The following KIF24 variants were observed in gnomAD, a reference collection of about 807,000 sequenced individuals.
KIF24 encodes the protein kinesin family member 24, also known as kinesin-like protein KIF24.
KIF24 carries 81 observed loss-of-function variants against 118.9 expected under a neutral mutation model. The ratio of observed to expected loss-of-function variants is 0.68; its 90% CI spans 0.57 to 0.82. KIF24 has a LOEUF of 0.82. KIF24 is among the 40% of genes least tolerant of loss of function. KIF24 has a pLI of 0.00. For synonymous variants in KIF24, 599 were observed against 610.0 expected (o/e 0.98, Z 0.27); for missense variants, 1,560 against 1,661.6 (o/e 0.94, Z 1.06).
chr9:34,307,078 AT>A (rs928326222), intron 2 of KIF24, among the ~76,000 whole-genome samples: 1 of 151,908 alleles, frequency 6.6e-6, no homozygotes, highest in African/African-American at 2.4e-5. Context: ...CTGAAAAAAA[AT>A]TTTTTTTGAG....
chr9:34,279,254 T>C (rs1302239370), intron 6 of KIF24, among the ~76,000 whole-genome samples: 2 of 152,178 alleles, frequency 1.3e-5, no homozygotes, highest in East Asian at 3.9e-4. Flanking sequence ...AACCCAATCA[T>C]CTATCATTAT....
chr9:34,275,423 C>G (rs368323193), intron 6 of KIF24, among the ~76,000 whole-genome samples: 4 of 151,988 alleles, frequency 2.6e-5, no homozygotes, highest in Non-Finnish European at 5.9e-5. Flanking sequence ...TTATTTGAGG[C>G]CAGGCCTGGT....
chr9:34,290,759 C>T (rs960210101), intron 4 of KIF24, among the ~76,000 whole-genome samples: 3 of 151,932 alleles, frequency 2.0e-5, no homozygotes, highest in East Asian at 1.9e-4. Context: ...GCCACCATAC[C>T]GGGCTAATTT....
At chr9:34,319,731 G>A in intron 1 of KIF24, 2 of 658,402 alleles carry the variant, frequency 3.0e-6, no homozygotes, top group Non-Finnish European at 5.6e-6. Flanking sequence ...GGGATTCGGG[G>A]GAGGTGAGGT....
intron 8 of KIF24, among the ~76,000 whole-genome samples, chr9:34,263,726 A>AT (rs1348094563): frequency 1.4e-5 from 2 of 141,338 alleles, no homozygotes; most frequent in South Asian, 4.6e-4. Context: ...CGTTTTATTT[A>AT]TTTTTTTCTT....
At chr9:34,313,558 C>A (rs1308190895) in intron 1 of KIF24, among the ~76,000 whole-genome samples, 2 of 151,682 alleles carry the variant, frequency 1.3e-5, no homozygotes, top group South Asian at 2.1e-4. Flanking sequence ...GTGATCCTCT[C>A]ATCTCAGCCT....
At chr9:34,280,349 G>A (rs935437620) in intron 6 of KIF24, among the ~76,000 whole-genome samples, 1 of 149,220 alleles carries the variant, frequency 6.7e-6, no homozygotes, top group African/African-American at 2.5e-5. Flanking sequence ...GGATGCAGGG[G>A]TTGACTCAAC....
chr9:34,308,020 G>C (rs976457560), intron 2 of KIF24, among the ~76,000 whole-genome samples: 17 of 152,148 alleles, frequency 1.1e-4, no homozygotes, highest in African/African-American at 4.1e-4. Context: ...ACCCAGACTG[G>C]AGTGCAGTGG....
At chr9:34,288,737 G>GCTACAA (rs1403539554) in intron 5 of KIF24, among the ~76,000 whole-genome samples, 3 of 151,894 alleles carry the variant, frequency 2.0e-5, no homozygotes, top group African/African-American at 7.3e-5. Flanking sequence ...CTATTCCCCT[G>GCTACAA]CTACAACTGA....
chr9:34,293,917 T>C (rs971279574), intron 4 of KIF24, among the ~76,000 whole-genome samples: 3 of 152,246 alleles, frequency 2.0e-5, no homozygotes, highest in African/African-American at 7.2e-5. Context: ...ACAATTCTCA[T>C]GTTACTGTTG....
intron 4 of KIF24, 120 bp downstream of exon 4, chr9:34,296,897 C>T: frequency 3.7e-6 from 2 of 543,660 alleles, no homozygotes; most frequent in Non-Finnish European, 6.6e-6. Flanking sequence ...TTTATTAGCT[C>T]AAAACACAAA....
intron 6 of KIF24, among the ~76,000 whole-genome samples, chr9:34,282,293 T>C (rs1363076956): frequency 6.6e-6 from 1 of 152,178 alleles, no homozygotes; most frequent in Non-Finnish European, 1.5e-5. Flanking sequence ...TTGCATATTG[T>C]ATAATTCTGT....
At chr9:34,278,572 C>CA (rs57086054) in intron 6 of KIF24, among the ~76,000 whole-genome samples, 4,151 of 87,928 alleles carry the variant, frequency 0.047, 156 homozygotes, top group African/African-American at 0.13. Context: ...TAGAGCAAAC[C>CA]AAAAAAAAAA....
At chr9:34,295,631 T>C (rs1462091049) in intron 4 of KIF24, among the ~76,000 whole-genome samples, 6 of 152,060 alleles carry the variant, frequency 3.9e-5, no homozygotes, top group African/African-American at 1.4e-4. Context: ...TGAGCCAAGA[T>C]TGCACCACTG....
chr9:34,269,421 T>C, intron 7 of KIF24, 59 bp from the exon 8 acceptor site: 1 of 833,794 alleles, frequency 1.2e-6, no homozygotes, highest in Non-Finnish European at 1.8e-6. Context: ...TTTATTTTAT[T>C]TTTATTATTA....
intron 3 of KIF24, 82 bp from the exon 4 acceptor site, chr9:34,297,196 C>A (rs1475186983): frequency 2.7e-6 from 2 of 750,830 alleles, no homozygotes; most frequent in Admixed American, 2.5e-5. Flanking sequence ...ATGATAAATG[C>A]CAAAATATGT....
intron 6 of KIF24, among the ~76,000 whole-genome samples, chr9:34,285,078 G>T (rs1344589984): frequency 2.0e-5 from 3 of 152,134 alleles, no homozygotes; most frequent in Non-Finnish European, 4.4e-5. Context: ...GGGAACAGGG[G>T]AAGTGGGGTA....
At chr9:34,292,771 C>G (rs191389264) in intron 4 of KIF24, among the ~76,000 whole-genome samples, 64 of 152,220 alleles carry the variant, frequency 4.2e-4, no homozygotes, top group African/African-American at 1.5e-3. Context: ...CTATAAATAC[C>G]GGCAGAGGCG....
intron 1 of KIF24, among the ~76,000 whole-genome samples, chr9:34,325,099 A>G (rs1372014146): frequency 6.6e-6 from 1 of 152,102 alleles, no homozygotes. Context: ...GCACTTTGGG[A>G]GGCTGAGGCA....
Sources: allele counts gnomAD v4.1 joint callset (sites outside exome capture counted in the v4.1 genomes callset), GRCh38; gene constraint gnomAD v4.1.1; transcripts MANE v1.5; gene names NCBI Gene and HGNC (gene_info 2026-07-23, HGNC 2026-07-21).